CSMD2: variants seen among roughly 807,000 people sequenced by gnomAD.
CSMD2 encodes the protein CUB and Sushi multiple domains 2.
In CSMD2, 130 loss-of-function variants were observed where a neutral mutation model predicts 398.5. The observed-to-expected ratio is 0.33, with a 90% CI of 0.28 to 0.38. The LOEUF is 0.38. Ranked by LOEUF, CSMD2 falls within the 10% of genes least tolerant of loss-of-function variation. CSMD2 has a pLI of 1.00. For synonymous variants in CSMD2, 1,828 were observed against 1,908.5 expected (o/e 0.96, Z 1.10); for missense variants, 3,829 against 4,764.9 (o/e 0.80, Z 5.78).
At chr1:33,970,171 A>ACTGTG (rs1442040061) in intron 3 of CSMD2, among the ~76,000 whole-genome samples, 3 of 151,914 alleles carry the variant, frequency 2.0e-5, no homozygotes, top group Non-Finnish European at 4.4e-5. Flanking sequence ...CTCCAAAGCC[A>ACTGTG]CTGTGCTGGC....
chr1:33,706,987 T>C (rs568397728), intron 22 of CSMD2, among the ~76,000 whole-genome samples: 1 of 152,228 alleles, frequency 6.6e-6, no homozygotes, highest in South Asian at 2.1e-4. Context: ...CCCATGTCCC[T>C]CCTCCTTTCT....
intron 43 of CSMD2, among the ~76,000 whole-genome samples, chr1:33,601,617 A>G: frequency 6.6e-6 from 1 of 152,210 alleles, no homozygotes; most frequent in East Asian, 1.9e-4. Context: ...AGTAACCACC[A>G]AACAAAGGAA....
At chr1:33,907,284 A>G (rs74590906) in intron 5 of CSMD2, among the ~76,000 whole-genome samples, 1 of 148,948 alleles carries the variant, frequency 6.7e-6, no homozygotes, top group Non-Finnish European at 1.5e-5. Context: ...ACGCCCAGCT[A>G]ATTTTTTTTT....
At chr1:33,754,730 G>A (rs1446543781) in intron 13 of CSMD2, among the ~76,000 whole-genome samples, 1 of 152,128 alleles carries the variant, frequency 6.6e-6, no homozygotes, top group Non-Finnish European at 1.5e-5. Flanking sequence ...AAGCATAAAT[G>A]GAGTTATGCT....
At chr1:33,832,399 C>CTCCTG (rs527303355) in intron 6 of CSMD2, among the ~76,000 whole-genome samples, 10 of 131,084 alleles carry the variant, frequency 7.6e-5, no homozygotes, top group South Asian at 2.9e-4. Context: ...GAACAACCTG[C>CTCCTG]ACTGGGTACA....
At chr1:33,766,432 G>A (rs1033128315) in intron 13 of CSMD2, among the ~76,000 whole-genome samples, 2 of 152,124 alleles carry the variant, frequency 1.3e-5, no homozygotes, top group African/African-American at 4.8e-5. Flanking sequence ...CACATTGCAG[G>A]CACTCAATAA....
At chr1:34,008,443 A>C (rs1237715217) in intron 3 of CSMD2, among the ~76,000 whole-genome samples, 1 of 152,172 alleles carries the variant, frequency 6.6e-6, no homozygotes, top group Non-Finnish European at 1.5e-5. Context: ...GTGGATGGGC[A>C]GAAGCTTCTG....
intron 28 of CSMD2, among the ~76,000 whole-genome samples, chr1:33,649,512 C>T (rs1643642261): frequency 6.6e-6 from 1 of 152,056 alleles, no homozygotes; most frequent in Admixed American, 6.6e-5. Flanking sequence ...GGTGTGGTGG[C>T]ATGCACCTGT....
intron 46 of CSMD2, among the ~76,000 whole-genome samples, chr1:33,585,493 T>C (rs1639021671): frequency 6.6e-6 from 1 of 152,182 alleles, no homozygotes; most frequent in Non-Finnish European, 1.5e-5. Flanking sequence ...TCACTGACTT[T>C]TCCCAATAGA....
At chr1:33,899,665 A>G (rs955270070) in intron 5 of CSMD2, among the ~76,000 whole-genome samples, 4 of 152,216 alleles carry the variant, frequency 2.6e-5, no homozygotes, top group African/African-American at 7.2e-5. Context: ...TATGTGAAAA[A>G]TTAGGAGGTC....
intron 4 of CSMD2, among the ~76,000 whole-genome samples, chr1:33,925,775 C>T (rs1644107033): frequency 6.6e-6 from 1 of 152,170 alleles, no homozygotes; most frequent in Non-Finnish European, 1.5e-5. Flanking sequence ...AAGGACCTTA[C>T]AGGGCCTTGC....
intron 57 of CSMD2, among the ~76,000 whole-genome samples, chr1:33,544,842 T>C (rs1656722176): frequency 6.6e-6 from 1 of 150,484 alleles, no homozygotes; most frequent in African/African-American, 2.5e-5. Flanking sequence ...TATATATATA[T>C]ATATATATAT....
At chr1:33,794,674 T>A (rs1654728998) in intron 10 of CSMD2, among the ~76,000 whole-genome samples, 1 of 152,188 alleles carries the variant, frequency 6.6e-6, no homozygotes, top group South Asian at 2.1e-4. Flanking sequence ...AGTAAAGGCA[T>A]GACATGAGAT....
chr1:33,628,550 T>C (rs904896465), intron 32 of CSMD2, among the ~76,000 whole-genome samples: 1 of 151,464 alleles, frequency 6.6e-6, no homozygotes, highest in Non-Finnish European at 1.5e-5. Flanking sequence ...ACACCTGGAG[T>C]CTCAGCTACT....
chr1:33,821,304 A>AG lies in CSMD2; in HGVS notation c.1112-749dup, dbSNP rs1658118289. On this transcript the variant is annotated intron_variant, in intron 7 of 70. Transcript: ENST00000373381. Reference sequence around the variant, plus strand: ...TCTTGGCTAGAGGAGAAGCTTGGTCAGGGGGCAGCGGATACACACACAGTA... The same window carrying AG: ...TCTTGGCTAGAGGAGAAGCTTGGTCAGGGGGGCAGCGGATACACACACAGTA... Among the ~76,000 whole-genome samples, 4 of 152,312 alleles carry AG rather than the reference A, an allele frequency of 2.6e-5. No homozygotes were observed. In the South Asian group the frequency reaches 8.3e-4, roughly 32 times the overall value.
chr1:33,917,115 G>A (rs949412427), intron 5 of CSMD2, among the ~76,000 whole-genome samples: 4 of 152,036 alleles, frequency 2.6e-5, no homozygotes, highest in East Asian at 1.9e-4. Flanking sequence ...AGACCTGGCC[G>A]GGCCCAGCCC....
chr1:33,915,927 G>A (rs180727112), intron 5 of CSMD2, among the ~76,000 whole-genome samples: 3 of 152,204 alleles, frequency 2.0e-5, no homozygotes, highest in African/African-American at 7.2e-5. Context: ...CTTACTCGCC[G>A]GTGTGATCTC....
Position 33,559,222 on chromosome 1 carries a change from T to C in CSMD2, c.8554+78A>G, listed in dbSNP as rs769222389. On this transcript the variant is annotated intron_variant, in intron 54 of 70. Transcript: ENST00000373381. The surrounding 1 kb of genome is among the most constrained non-coding windows in gnomAD (Gnocchi z 4.0). ...CAGAATGATGCCAGAATGAATTCAC[T>C]GGCTTCTTTTTCTGAGCTACAGAAC... The C allele has an allele frequency of 7.6e-7, 1 of 1,322,732 alleles. No individual in the cohort carries two copies. The highest frequency in any genetic ancestry group is 2.5e-5 in the East Asian group (1 of 39,624). The allele number at this position is 1,322,732 out of a possible 1,614,324, so 81.9% of individuals were successfully genotyped here.
intron 3 of CSMD2, among the ~76,000 whole-genome samples, chr1:33,956,069 A>G (rs982956315): frequency 1.3e-5 from 2 of 152,158 alleles, no homozygotes; most frequent in Admixed American, 6.5e-5. Flanking sequence ...GCCTTTTACC[A>G]ACTATGAGAT....
Sources: gnomAD v4.1 joint callset for allele counts (sites outside exome capture counted in the v4.1 genomes callset) on GRCh38, gnomAD v4.1.1 for gene constraint, Gnocchi (gnomAD v3.1) non-coding constraint, MANE v1.5 for transcripts, NCBI Gene and HGNC (gene_info 2026-07-23, HGNC 2026-07-21) for gene names.